The following KLHL8 variants were observed in gnomAD, a reference collection of about 807,000 sequenced individuals.
The protein encoded by KLHL8 is kelch like family member 8.
Under a neutral mutation model 63.5 loss-of-function variants are expected in KLHL8, and 38 were observed. That is an observed-to-expected ratio of 0.60 (90% CI 0.46 to 0.78). KLHL8 has a LOEUF of 0.78. Ranked by LOEUF, KLHL8 falls within the 30% of genes least tolerant of loss-of-function variation. KLHL8 has a pLI of 0.00. For missense variants in KLHL8, 566 were observed against 752.4 expected (o/e 0.75, Z 2.90); for synonymous variants, 224 against 254.3 (o/e 0.88, Z 1.13).
At chr4:87,234,366 G>A (rs1019011557) in intron 1 of KLHL8, among the ~76,000 whole-genome samples, 5 of 151,746 alleles carry the variant, frequency 3.3e-5, no homozygotes, top group African/African-American at 1.2e-4. Context: ...TTGAACCTGG[G>A]AGGCAGAGGT....
chr4:87,218,469 G>A (rs1486892129), intron 1 of KLHL8, among the ~76,000 whole-genome samples: 1 of 151,992 alleles, frequency 6.6e-6, no homozygotes, highest in Non-Finnish European at 1.5e-5. Context: ...CGCCCGCCTC[G>A]GCCTCCCAAA....
At chr4:87,225,758 C>G (rs1002947130) in intron 1 of KLHL8, among the ~76,000 whole-genome samples, 1 of 152,188 alleles carries the variant, frequency 6.6e-6, no homozygotes, top group Non-Finnish European at 1.5e-5. Flanking sequence ...AAGCATCATC[C>G]TTGCTATGAC....
At position 87,191,143 on chromosome 4, in the gene KLHL8, C is replaced by T. The variant is rs1171368107; in HGVS notation, c.216+4181G>A. Among the ~76,000 whole-genome samples the T allele has an allele frequency of 2.0e-5, 3 of 152,096 alleles. No homozygotes were observed. In the East Asian group the frequency reaches 5.8e-4, roughly 29 times the overall value. ...ATACAAATAAAATAACATTGTGCTT[C>T]TTAAAAGCTGTATGTAAAGGGAAAT... is the stretch of plus-strand genomic sequence containing the variant. On this transcript the variant is annotated intron_variant, in intron 2 of 9. Coordinates refer to ENST00000273963, the MANE Select transcript of KLHL8 (RefSeq NM_020803.5).
intron 1 of KLHL8, among the ~76,000 whole-genome samples, chr4:87,231,558 G>A (rs1016709153): frequency 1.2e-4 from 19 of 152,076 alleles, no homozygotes; most frequent in Non-Finnish European, 2.4e-4. Flanking sequence ...GCATGTACAA[G>A]GACATGCTTT....
intron 2 of KLHL8, among the ~76,000 whole-genome samples, chr4:87,191,980 T>C (rs753809990): frequency 6.6e-6 from 1 of 152,210 alleles, no homozygotes; most frequent in Non-Finnish European, 1.5e-5. Context: ...CCACAGTGTA[T>C]ATATAACACA....
chr4:87,219,390 A>G (rs1402268512), intron 1 of KLHL8: 1 of 152,284 alleles, frequency 6.6e-6, no homozygotes, highest in African/African-American at 2.4e-5. Flanking sequence ...GAGAAAAACA[A>G]TGCAAAGGAA....
At chr4:87,212,906 C>T (rs1049243879) in intron 1 of KLHL8, among the ~76,000 whole-genome samples, 6 of 152,160 alleles carry the variant, frequency 3.9e-5, no homozygotes, top group African/African-American at 9.7e-5. Context: ...TACTCTATGA[C>T]GTTTGCACAA....
At position 87,226,796 on chromosome 4, in the gene KLHL8, TA is replaced by T; in HGVS notation, n.58-5407del. ...TATATTATATATATAATATATATTATATATAATATATATTATATATAATATA... is the reference window on the plus strand; with the variant it reads ...TATATTATATATATAATATATATTATTATAATATATATTATATATAATATA... On this transcript the variant is annotated intron_variant and non_coding_transcript_variant, in intron 1 of 1. Coordinates refer to the KLHL8 transcript ENST00000506274. Among the ~76,000 whole-genome samples, 2 of 12,540 alleles carry T rather than the reference TA, an allele frequency of 1.6e-4. 1 individual carries two copies. The highest frequency in any genetic ancestry group is 2.3e-4 in the Non-Finnish European group (2 of 8,614). 8.2% of individuals were successfully genotyped at this position (12,540 alleles called of 152,430 possible).
At chr4:87,231,861 G>C (rs918999019) in intron 1 of KLHL8, among the ~76,000 whole-genome samples, 1 of 152,112 alleles carries the variant, frequency 6.6e-6, no homozygotes, top group Non-Finnish European at 1.5e-5. Flanking sequence ...GCCTCCCAAA[G>C]TGCTGAGATT....
intron 6 of KLHL8, among the ~76,000 whole-genome samples, chr4:87,172,407 T>G (rs943100789): frequency 1.3e-5 from 2 of 152,198 alleles, no homozygotes; most frequent in East Asian, 3.8e-4. Context: ...GTAGAAAGCC[T>G]AGCAAAACCT....
chr4:87,176,583 C>G (rs190372552), intron 6 of KLHL8, among the ~76,000 whole-genome samples, 174 bp downstream of exon 6: 169 of 151,778 alleles, frequency 1.1e-3, no homozygotes, highest in African/African-American at 3.8e-3. Context: ...ATTTTTAATT[C>G]TTAAAAAAAA....
intron 1 of KLHL8, among the ~76,000 whole-genome samples, chr4:87,238,989 G>A (rs1045327899): frequency 3.3e-5 from 5 of 151,970 alleles, no homozygotes; most frequent in African/African-American, 1.2e-4. Context: ...ATATTGTTTC[G>A]AGACACCTAT....
At chr4:87,193,995 A>C (rs1025051642) in intron 2 of KLHL8, among the ~76,000 whole-genome samples, 8 of 152,218 alleles carry the variant, frequency 5.3e-5, no homozygotes, top group Non-Finnish European at 1.2e-4. Context: ...TAGAATGCTT[A>C]AGTGTTAACT....
chr4:87,181,794 C>A (rs2109986007), intron 4 of KLHL8, among the ~76,000 whole-genome samples: 1 of 152,220 alleles, frequency 6.6e-6, no homozygotes, highest in African/African-American at 2.4e-5. Flanking sequence ...TCATGTAGAT[C>A]ATTTATATGA....
At chr4:87,175,509 C>G (rs1427907583) in intron 6 of KLHL8, among the ~76,000 whole-genome samples, 1 of 152,112 alleles carries the variant, frequency 6.6e-6, no homozygotes, top group African/African-American at 2.4e-5. Context: ...AGGTTTTAAC[C>G]TATAACTCTA....
chr4:87,168,730 A>ATG (rs1409835605), intron 8 of KLHL8, among the ~76,000 whole-genome samples: 11 of 147,914 alleles, frequency 7.4e-5, no homozygotes, highest in Admixed American at 2.7e-4. Flanking sequence ...ACGTATATAT[A>ATG]TGTGTGTATA....
intron 1 of KLHL8, among the ~76,000 whole-genome samples, chr4:87,226,905 TA>T (rs1442301106): frequency 4.3e-4 from 17 of 39,854 alleles, no homozygotes; most frequent in African/African-American, 1.7e-3. Context: ...AAATAATATA[TA>T]ATATATAAAT....
chr4:87,224,039 T>A (rs999566982), upstream of KLHL8, among the ~76,000 whole-genome samples: 1 of 152,184 alleles, frequency 6.6e-6, no homozygotes, highest in Non-Finnish European at 1.5e-5. Context: ...ATTGCAATAT[T>A]TTAACCCCAA....
chr4:87,195,306 CA>C lies in KLHL8; in HGVS notation c.216+17del. 1.9e-6 allele frequency: 3 copies of C among 1,604,328 alleles called. No homozygotes were observed. The highest frequency in any genetic ancestry group is 1.3e-5 in the African/African-American group (1 of 74,604). On this transcript the variant is annotated intron_variant, in intron 2 of 9. Transcript: ENST00000273963. Reference sequence around the variant, plus strand: ...ACACTGAAGAGGCCTGAGAAAAGTACAAAAAAGGCAATCTCACCTTGAGTGT... The same window carrying C: ...ACACTGAAGAGGCCTGAGAAAAGTACAAAAAGGCAATCTCACCTTGAGTGT...
Sources: allele counts gnomAD v4.1 joint callset (sites outside exome capture counted in the v4.1 genomes callset), GRCh38; gene constraint gnomAD v4.1.1; transcripts MANE v1.5; gene names NCBI Gene and HGNC (gene_info 2026-07-23, HGNC 2026-07-21).